UBE2E2: variants seen among roughly 807,000 people sequenced by gnomAD.
The protein encoded by UBE2E2 is ubiquitin conjugating enzyme E2 E2, also known as ubiquitin-conjugating enzyme E2 E2.
In UBE2E2, 6 loss-of-function variants were observed where a neutral mutation model predicts 24.7. That is an observed-to-expected ratio of 0.24 (90% CI 0.13 to 0.48). The LOEUF (loss-of-function observed/expected upper bound fraction) is 0.48. Ranked by LOEUF, UBE2E2 falls within the 20% of genes least tolerant of loss-of-function variation. The pLI is 0.99. For missense variants in UBE2E2, 169 were observed against 245.0 expected, an observed-to-expected ratio of 0.69 and a Z score of 2.07; for synonymous variants, 104 against 83.6, an observed-to-expected ratio of 1.24 and a Z score of -1.33.
At chr3:23,253,841 A>G (rs1697644439) in intron 3 of UBE2E2, among the ~76,000 whole-genome samples, 1 of 152,246 alleles carries the variant, frequency 6.6e-6, no homozygotes, top group Admixed American at 6.5e-5. Context: ...TTATGAGTTT[A>G]TAAAGTATAA....
At chr3:23,390,531 C>A (rs570501071) in intron 3 of UBE2E2, among the ~76,000 whole-genome samples, 32 of 152,280 alleles carry the variant, frequency 2.1e-4, no homozygotes, top group African/African-American at 7.0e-4. Flanking sequence ...GTGACCTGAT[C>A]CTTCCTAGAT....
chr3:23,234,396 TGATGTTCAGTTG>T, intron 3 of UBE2E2, among the ~76,000 whole-genome samples: 1 of 152,252 alleles, frequency 6.6e-6, no homozygotes, highest in Non-Finnish European at 1.5e-5. Context: ...AGTCAGAGAT[TGATGTTCAGTTG>T]GACACATACA....
In UBE2E2 at chr3:23,508,698, C is replaced by G. The variant is rs7614479; in HGVS notation, c.360+8958C>G. ...CAAACAAGTATTTTACTGTGCTTCT[C>G]CATGCCCTGGAGTTCCTATCTCTGT... is the stretch of plus-strand genomic sequence containing the variant. On this transcript the variant is annotated intron_variant, in intron 4 of 5. Transcript: ENST00000396703. Among the ~76,000 whole-genome samples the G allele has an allele frequency of 1.8e-4, 27 of 152,318 alleles. 1 individual carries two copies. The highest frequency in any genetic ancestry group is 1.5e-3 in the East Asian group (8 of 5,192).
chr3:23,294,324 C>G (rs1412482886), intron 3 of UBE2E2, among the ~76,000 whole-genome samples: 2 of 151,948 alleles, frequency 1.3e-5, no homozygotes, highest in African/African-American at 2.4e-5. Context: ...TTATTATATG[C>G]TTTTTCCTAA....
intron 5 of UBE2E2, among the ~76,000 whole-genome samples, chr3:23,540,585 A>G (rs527950789): frequency 1.4e-3 from 214 of 152,164 alleles, no homozygotes; most frequent in African/African-American, 4.9e-3. Context: ...TTGGATTTTT[A>G]GTAGAGACGG....
intron 3 of UBE2E2, chr3:23,323,434 G>T (rs775939533): frequency 5.9e-6 from 2 of 339,758 alleles, no homozygotes; most frequent in African/African-American, 4.5e-5. Flanking sequence ...TGACCCCAGG[G>T]CTAGCTCAGG....
intron 3 of UBE2E2, among the ~76,000 whole-genome samples, chr3:23,458,314 ATCT>A (rs1698725659): frequency 6.8e-6 from 1 of 146,626 alleles, no homozygotes; most frequent in Admixed American, 6.8e-5. Flanking sequence ...AGAGTTTGCC[ATCT>A]TCTATGGGTG....
At chr3:23,287,126 G>GT (rs2125375832) in intron 3 of UBE2E2, among the ~76,000 whole-genome samples, 1 of 152,030 alleles carries the variant, frequency 6.6e-6, no homozygotes, top group East Asian at 1.9e-4. Context: ...TTTTTTGATG[G>GT]TTTTTATCAT....
At chr3:23,219,256 A>G (rs1294497680) in intron 3 of UBE2E2, among the ~76,000 whole-genome samples, 3 of 152,188 alleles carry the variant, frequency 2.0e-5, no homozygotes, top group Non-Finnish European at 4.4e-5. Context: ...TTTGGCAAGC[A>G]AAGGGTCCTC....
chr3:23,352,559 C>A (rs1444293153), intron 3 of UBE2E2, among the ~76,000 whole-genome samples: 1 of 152,140 alleles, frequency 6.6e-6, no homozygotes, highest in African/African-American at 2.4e-5. Flanking sequence ...GATATCACCA[C>A]CAATCCCACA....
chr3:23,255,121 A>G (rs887097577), intron 3 of UBE2E2, among the ~76,000 whole-genome samples: 24 of 115,328 alleles, frequency 2.1e-4, no homozygotes, highest in Admixed American at 3.6e-4. Flanking sequence ...GGGCCTCACT[A>G]TGTTGCCCAG....
At chr3:23,378,083 G>A (rs1306386407) in intron 3 of UBE2E2, among the ~76,000 whole-genome samples, 2 of 151,708 alleles carry the variant, frequency 1.3e-5, no homozygotes, top group Admixed American at 6.6e-5. Flanking sequence ...TATGACTACA[G>A]CTGAGAGATA....
chr3:23,586,469 T>C (rs923509024), intron 5 of UBE2E2, among the ~76,000 whole-genome samples: 2 of 151,986 alleles, frequency 1.3e-5, no homozygotes, highest in African/African-American at 4.8e-5. Flanking sequence ...TAATTTTTGT[T>C]ATTTTTTTGT....
chr3:23,444,060 G>GTTTTTTTTTTTTTTTTTTTT (rs1359491293), intron 3 of UBE2E2, among the ~76,000 whole-genome samples: 1 of 125,682 alleles, frequency 8.0e-6, no homozygotes, highest in African/African-American at 3.2e-5. Context: ...TTCTTCACCA[G>GTTTTTTTTTTTTTTTTTTTT]TTTTGTTTTT....
intron 2 of UBE2E2, 72 bp from the exon 3 acceptor site, chr3:23,217,189 TA>T: frequency 7.5e-7 from 1 of 1,327,316 alleles, no homozygotes; most frequent in African/African-American, 1.5e-5. Context: ...TATTAAAATG[TA>T]ACGTTTTAAT....
At chr3:23,355,578 C>G (rs953558838) in intron 3 of UBE2E2, among the ~76,000 whole-genome samples, 1 of 152,284 alleles carries the variant, frequency 6.6e-6, no homozygotes, top group South Asian at 2.1e-4. Flanking sequence ...GAAATAGCGA[C>G]TTGTAACTAG....
At chr3:23,447,446 T>C (rs986931693) in intron 3 of UBE2E2, among the ~76,000 whole-genome samples, 19 of 152,344 alleles carry the variant, frequency 1.2e-4, no homozygotes, top group Admixed American at 5.2e-4. Context: ...GTTGTAGTTA[T>C]GCATTCTTTA....
chr3:23,300,127 A>G (rs571909472), intron 3 of UBE2E2, among the ~76,000 whole-genome samples: 2 of 151,860 alleles, frequency 1.3e-5, no homozygotes, highest in Non-Finnish European at 2.9e-5. Flanking sequence ...TTTGTCTTCC[A>G]TTTGCTTGGT....
At chr3:23,294,113 A>C (rs1698842311) in intron 3 of UBE2E2, among the ~76,000 whole-genome samples, 1 of 152,246 alleles carries the variant, frequency 6.6e-6, no homozygotes, top group Non-Finnish European at 1.5e-5. Context: ...AAATGTTAAG[A>C]AACTAATTCC....
Sources: gnomAD v4.1 joint callset for allele counts (sites outside exome capture counted in the v4.1 genomes callset) on GRCh38, gnomAD v4.1.1 for gene constraint, MANE v1.5 for transcripts, NCBI Gene and HGNC (gene_info 2026-07-23, HGNC 2026-07-21) for gene names.